The following HLTF variants were observed in gnomAD, a reference collection of about 807,000 sequenced individuals.
The protein encoded by HLTF is DNA-dependent ATPase/E3 ubiquitin-protein ligase HLTF.
HLTF carries 127 observed loss-of-function variants against 129.4 expected under a neutral mutation model. The observed-to-expected ratio is 0.98, with a 90% confidence interval of 0.85 to 1.14. HLTF has a LOEUF of 1.14. Among genes scored for constraint, HLTF ranks in the 50% most tolerant of loss-of-function variants. HLTF has a pLI of 0.00. For missense variants in HLTF, 1,139 were observed against 1,187.1 expected, an observed-to-expected ratio of 0.96 and a Z score of 0.60; for synonymous variants, 332 against 388.8, an observed-to-expected ratio of 0.85 and a Z score of 1.72.
intron 4 of HLTF, among the ~76,000 whole-genome samples, chr3:149,073,839 CA>C (rs1370314285): frequency 6.6e-6 from 1 of 152,126 alleles, no homozygotes; most frequent in African/African-American, 2.4e-5. Flanking sequence ...TCTTGCCAAG[CA>C]ATCCTTTTCA....
chr3:149,043,299 G>A (rs989162315), intron 18 of HLTF, among the ~76,000 whole-genome samples: 1 of 150,994 alleles, frequency 6.6e-6, no homozygotes. Context: ...AAAGGATGTA[G>A]GAAACAGGAC....
chr3:149,041,382 G>T, intron 20 of HLTF, 108 bp downstream of exon 20: 2 of 553,090 alleles, frequency 3.6e-6, no homozygotes, highest in Admixed American at 3.7e-5. Context: ...ACTATCAAAG[G>T]TATATTATTA....
chr3:149,080,110 T>G (rs1401152660), intron 2 of HLTF, among the ~76,000 whole-genome samples: 44 of 152,270 alleles, frequency 2.9e-4, no homozygotes, highest in Non-Finnish European at 4.4e-5. Flanking sequence ...ATTGTATCAT[T>G]TCATTTACGT....
chr3:149,040,387 C>T, intron 20 of HLTF: 1 of 381,118 alleles, frequency 2.6e-6, no homozygotes, highest in Non-Finnish European at 4.6e-6. Context: ...TCTGGACTAG[C>T]TAGAAGCAAG....
intron 7 of HLTF, among the ~76,000 whole-genome samples, chr3:149,069,647 C>T (rs1488686315): frequency 6.6e-6 from 1 of 152,076 alleles, no homozygotes; most frequent in Non-Finnish European, 1.5e-5. Context: ...AAAAATCACT[C>T]AAGATGGGAG....
In HLTF at chr3:149,034,885, C is replaced by G. The variant is rs151153311; in HGVS notation, c.2877+33G>C. 67 of 1,392,640 alleles carry G rather than the reference C, an allele frequency of 4.8e-5. No individual in the cohort carries two copies. The African/African-American group carries it at 8.5e-4, about 18-fold the overall frequency. 86.3% of individuals were successfully genotyped at this position (1,392,640 alleles called of 1,614,324 possible). On this transcript the variant is annotated intron_variant, in intron 24 of 24. Coordinates refer to ENST00000310053, the MANE Select transcript of HLTF (RefSeq NM_003071.4). ...TGCTTAATTGTAAAAATCGTATCAA[C>G]CTAGTCTTAAAATAGTTTGTTTAAA...
rs759478589 is a variant in HLTF, at chr3:149,084,890, C to G, written c.21-1G>C. 2.5e-6 allele frequency: 4 copies of G among 1,608,224 alleles called. No individual in the cohort carries two copies. Among genetic ancestry groups the G allele is most frequent in the African/African-American group, 1.3e-5 (1 of 74,570 alleles). ...CTGCAAGTACTTCCAAACTGGATCCCTATTTTTTTTTAAAGGCAAAGAAAA... is the reference window on the plus strand; with the variant it reads ...CTGCAAGTACTTCCAAACTGGATCCGTATTTTTTTTTAAAGGCAAAGAAAA... On this transcript the variant is annotated splice_acceptor_variant, in intron 1 of 24. Coordinates refer to ENST00000310053, the MANE Select transcript of HLTF (RefSeq NM_003071.4). LOFTEE classifies it high-confidence loss of function.
At position 149,048,047 on chromosome 3, in the gene HLTF, C is replaced by T; in HGVS notation, c.1873G>A (p.Gly625Arg). Reference protein sequence around the residue: ...HRTIQRPVTMGDEGGLRRLQS... With the variant: ...HRTIQRPVTMRDEGGLRRLQS... ...ACTTACCTAAGTCCTCCTTCATCTC[C>T]CATTGTGACAGGACGCTGTATTGTT... The change falls in exon 17 of 25, where the codon GGA becomes AGA. Residue 625 changes from glycine to arginine, a missense_variant. Coordinates refer to ENST00000310053, the MANE Select transcript of HLTF (RefSeq NM_003071.4). 6.2e-7 allele frequency: 1 copy of T among 1,602,550 alleles called. No homozygotes were observed. The highest frequency in any genetic ancestry group is 8.5e-7 in the Non-Finnish European group (1 of 1,175,978).
rs762370405 is a variant in HLTF at position 149,074,268 on chromosome 3, G to A, written c.476C>T (p.Ala159Val). Residue 159 changes from alanine (A) to valine (V), a missense_variant, in exon 4 of 25, where the codon GCG (alanine) becomes GTG (valine). Coordinates refer to ENST00000310053, the MANE Select transcript of HLTF (RefSeq NM_003071.4). The stretch of plus-strand genomic sequence containing the variant: ...ATGTTTCTTCAACTGATCTGAAACC[G>A]CTTTTCTATTTTCTTCTTTTCCCCA... ...TFWGKEENRKAVSDQLKKHGF... is the reference protein window; with the variant it reads ...TFWGKEENRKVVSDQLKKHGF... 16 of 1,613,486 alleles carry A rather than the reference G, an allele frequency of 9.9e-6. No homozygotes were observed. Among genetic ancestry groups the A allele is most frequent in the South Asian group, 2.2e-5 (2 of 91,050 alleles).
chr3:149,070,513 A>G (rs1279174077), intron 7 of HLTF, among the ~76,000 whole-genome samples: 1 of 152,248 alleles, frequency 6.6e-6, no homozygotes, highest in Non-Finnish European at 1.5e-5. Flanking sequence ...ATAACTACTG[A>G]TAACAGCACA....
chr3:149,053,067 C>G (rs1299661075), intron 14 of HLTF, among the ~76,000 whole-genome samples: 1 of 152,100 alleles, frequency 6.6e-6, no homozygotes, highest in Non-Finnish European at 1.5e-5. Flanking sequence ...ATTCCTTTAC[C>G]TGGATTATTT....
chr3:149,074,491 G>A, intron 3 of HLTF, 143 bp from the exon 4 acceptor site: 7 of 653,458 alleles, frequency 1.1e-5, no homozygotes, highest in African/African-American at 1.8e-5. Context: ...AGACTTGAAA[G>A]AAAAAAAGGA....
At position 149,074,723 on chromosome 3, in the gene HLTF, G is replaced by A. The variant is rs62278174; in HGVS notation, c.396-375C>T. Among the ~76,000 whole-genome samples, 529 of 152,226 alleles carry A rather than the reference G, an allele frequency of 3.5e-3. 1 individual carries two copies. Among genetic ancestry groups the A allele is most frequent in the Non-Finnish European group, 5.8e-3 (394 of 68,014 alleles). On this transcript the variant is annotated intron_variant, in intron 3 of 24. Transcript: ENST00000310053. ...TGGAAAATGGGAAATGCAAGAACTT[G>A]TGATTCACTAAGTTATTCTCAATAA... is the stretch of plus-strand genomic sequence containing the variant.
intron 2 of HLTF, among the ~76,000 whole-genome samples, chr3:149,078,713 CG>C (rs1231185453): frequency 1.3e-5 from 2 of 151,830 alleles, no homozygotes; most frequent in Non-Finnish European, 2.9e-5. Flanking sequence ...AAAAATTAGC[CG>C]GGCGAGGTGG....
chr3:149,071,990 A>G (rs756959646), intron 5 of HLTF, among the ~76,000 whole-genome samples: 21 of 152,224 alleles, frequency 1.4e-4, no homozygotes, highest in Non-Finnish European at 2.8e-4. Flanking sequence ...TAGGTAGAGG[A>G]TAGAGTGAAC....
chr3:149,048,214 G>C (rs764604518), intron 16 of HLTF, 51 bp from the exon 17 acceptor site: 4 of 1,489,896 alleles, frequency 2.7e-6, no homozygotes, highest in Admixed American at 4.1e-5. Flanking sequence ...TATCCAGTAA[G>C]AGTATCTATT....
chr3:149,054,013 T>C (rs1717214679), intron 14 of HLTF, among the ~76,000 whole-genome samples: 1 of 151,918 alleles, frequency 6.6e-6, no homozygotes, highest in Admixed American at 6.6e-5. Context: ...GATACACTTA[T>C]CAGGACAAGG....
At chr3:149,034,878 G>C (rs369183381) in intron 24 of HLTF, 40 bp downstream of exon 24, 1 of 1,322,734 alleles carries the variant, frequency 7.6e-7, no homozygotes. Flanking sequence ...TGTAAAAATC[G>C]TATCAACCTA....
chr3:149,050,944 C>A lies in HLTF; in HGVS notation c.1474-569G>T, dbSNP rs1408340672. 5.9e-5 allele frequency among the ~76,000 whole-genome samples: 9 copies of A among 151,630 alleles called. 1 individual carries two copies. The highest frequency in any genetic ancestry group is 2.2e-4 in the African/African-American group (9 of 41,334). On this transcript the variant is annotated intron_variant, in intron 14 of 24. Coordinates refer to ENST00000310053, the MANE Select transcript of HLTF (RefSeq NM_003071.4). Reference sequence around the variant, plus strand: ...ATTATTTTTTTAATCATGAAAAAAACCAGACCTAGAAGATTTTCAGCAGAA... The same window carrying A: ...ATTATTTTTTTAATCATGAAAAAAAACAGACCTAGAAGATTTTCAGCAGAA...
Sources: gnomAD v4.1 joint callset for allele counts (sites outside exome capture counted in the v4.1 genomes callset) on GRCh38, gnomAD v4.1.1 for gene constraint, MANE v1.5 for transcripts, NCBI Gene and HGNC (gene_info 2026-07-23, HGNC 2026-07-21) for gene names.